STT3B: variants seen among roughly 807,000 people sequenced by gnomAD.
STT3B encodes STT3 oligosaccharyltransferase complex catalytic subunit B.
In STT3B, 29 loss-of-function variants were observed where a neutral mutation model predicts 96.8. The observed-to-expected ratio is 0.30, with a 90% CI of 0.22 to 0.41. The LOEUF (loss-of-function observed/expected upper bound fraction) is 0.41, where lower values mean the gene tolerates loss of function less well. STT3B is among the 10% of genes least tolerant of loss of function. The pLI is 1.00. For synonymous variants in STT3B, 367 were observed against 360.0 expected (o/e 1.02, Z -0.22); for missense variants, 640 against 1,022.3 (o/e 0.63, Z 5.10).
chr3:31,601,883 G>T (rs1698937640), intron 5 of STT3B, among the ~76,000 whole-genome samples: 1 of 152,136 alleles, frequency 6.6e-6, no homozygotes, highest in African/African-American at 2.4e-5. Context: ...TACAGGTGAG[G>T]AAACAAGAGG....
intron 1 of STT3B, among the ~76,000 whole-genome samples, chr3:31,540,945 A>G (rs1697251193): frequency 6.6e-6 from 1 of 152,210 alleles, no homozygotes; most frequent in Non-Finnish European, 1.5e-5. Context: ...TTAAAATACC[A>G]GTAACACCTG....
At chr3:31,597,435 G>A (rs1276374181) in intron 4 of STT3B, among the ~76,000 whole-genome samples, 5 of 152,042 alleles carry the variant, frequency 3.3e-5, no homozygotes, top group African/African-American at 7.2e-5. Context: ...TGGGATTACA[G>A]GCATGAGCCA....
intron 1 of STT3B, among the ~76,000 whole-genome samples, chr3:31,553,101 C>CAAAA (rs558668757): frequency 1.6e-4 from 10 of 63,106 alleles, no homozygotes; most frequent in African/African-American, 4.4e-4. Flanking sequence ...AACTCCGTCT[C>CAAAA]AAAAAAAAAA....
chr3:31,593,458 G>A (rs1575430648), intron 3 of STT3B, among the ~76,000 whole-genome samples: 1 of 151,818 alleles, frequency 6.6e-6, no homozygotes, highest in East Asian at 1.9e-4. Context: ...GTGGCTTCTT[G>A]GGTTTCATGG....
chr3:31,578,089 A>G (rs1002668018), intron 2 of STT3B, among the ~76,000 whole-genome samples: 1 of 152,172 alleles, frequency 6.6e-6, no homozygotes, highest in Non-Finnish European at 1.5e-5. Flanking sequence ...TAGAACCCAC[A>G]TTGACACATT....
At chr3:31,621,292 T>C (rs1699421928) in intron 9 of STT3B, among the ~76,000 whole-genome samples, 1 of 152,164 alleles carries the variant, frequency 6.6e-6, no homozygotes, top group Admixed American at 6.5e-5. Flanking sequence ...TTACCTTTTT[T>C]GATAGGGGAG....
Position 31,637,392 on chromosome 3 carries a change from T to C in STT3B, c.*1328T>C, listed in dbSNP as rs1382837191. The C allele has an allele frequency of 1.3e-5, 2 of 152,220 alleles. No homozygotes were observed. The highest frequency in any genetic ancestry group is 2.9e-5 in the Non-Finnish European group (2 of 68,018). The allele number at this position is 152,220 out of a possible 1,614,324, so 9.4% of individuals were successfully genotyped here. ...TGAGAATGTTACTGCTGATTTTCTT[T>C]TCCAAGGTGTAGAATATTCTTTGAT... On this transcript the variant is annotated 3_prime_UTR_variant, in exon 16 of 16. Transcript: ENST00000295770.
intron 1 of STT3B, among the ~76,000 whole-genome samples, chr3:31,571,518 A>G (rs1362369501): frequency 6.6e-6 from 1 of 152,202 alleles, no homozygotes; most frequent in Non-Finnish European, 1.5e-5. Flanking sequence ...GCCATGTTTT[A>G]TATCATATGA....
Position 31,615,208 on chromosome 3 carries a change from G to T in STT3B, c.976+5G>T, listed in dbSNP as rs1442527393. 1.3e-6 allele frequency: 2 copies of T among 1,592,290 alleles called. No individual in the cohort carries two copies. The highest frequency in any genetic ancestry group is 2.7e-5 in the African/African-American group (2 of 74,210). On this transcript the variant is annotated splice_donor_5th_base_variant and intron_variant, in intron 6 of 15. Transcript: ENST00000295770. Reference sequence around the variant, plus strand: ...GTGAACACATGGCAGCTGCAGGTATGAAAAATATATATTTTCCTTCTTCTA... The same window carrying T: ...GTGAACACATGGCAGCTGCAGGTATTAAAAATATATATTTTCCTTCTTCTA...
chr3:31,601,652 C>G (rs1407866984), intron 5 of STT3B, among the ~76,000 whole-genome samples: 19 of 151,936 alleles, frequency 1.3e-4, no homozygotes, highest in Admixed American at 1.2e-3. Context: ...GATATGGGGT[C>G]TCTTTCAAGG....
chr3:31,615,757 T>A (rs1413180545), intron 6 of STT3B, among the ~76,000 whole-genome samples: 2 of 151,936 alleles, frequency 1.3e-5, no homozygotes, highest in African/African-American at 4.8e-5. Flanking sequence ...TCCTAAACTC[T>A]AAATCTTTGA....
chr3:31,618,756 A>G (rs1699365327), intron 8 of STT3B, among the ~76,000 whole-genome samples: 1 of 152,112 alleles, frequency 6.6e-6, no homozygotes, highest in Admixed American at 6.5e-5. Context: ...ACAATTAGAC[A>G]CATACTTCAA....
chr3:31,551,915 C>T (rs547152739), intron 1 of STT3B, among the ~76,000 whole-genome samples: 24 of 152,142 alleles, frequency 1.6e-4, no homozygotes, highest in Non-Finnish European at 3.4e-4. Context: ...ATGATGTTTC[C>T]ACCAACAGCC....
chr3:31,568,131 A>G (rs183035711), intron 1 of STT3B, among the ~76,000 whole-genome samples: 1 of 152,150 alleles, frequency 6.6e-6, no homozygotes, highest in Admixed American at 6.6e-5. Flanking sequence ...TGCCTGGCTT[A>G]TTTTACTTAA....
At chr3:31,566,295 C>T (rs73824186) in intron 1 of STT3B, among the ~76,000 whole-genome samples, 4,664 of 152,208 alleles carry the variant, frequency 0.031, 259 homozygotes, top group African/African-American at 0.11. Flanking sequence ...ATGTGGGCAC[C>T]AGAGTCAAAG....
intron 1 of STT3B, among the ~76,000 whole-genome samples, chr3:31,539,690 C>T (rs957764644): frequency 3.3e-5 from 5 of 151,972 alleles, no homozygotes; most frequent in East Asian, 1.9e-4. Flanking sequence ...TTTGATGGAG[C>T]GAAGAGATGA....
chr3:31,565,959 A>AT (rs1211500070), intron 1 of STT3B, among the ~76,000 whole-genome samples: 21 of 152,204 alleles, frequency 1.4e-4, no homozygotes, highest in Non-Finnish European at 1.9e-4. Flanking sequence ...TGTTTTAGAT[A>AT]TTTTAAACAT....
At chr3:31,627,712 T>G in intron 13 of STT3B, among the ~76,000 whole-genome samples, 1 of 152,366 alleles carries the variant, frequency 6.6e-6, no homozygotes, top group Middle Eastern at 3.4e-3. Context: ...TATTTTTTTG[T>G]ATTAATCTTC....
intron 1 of STT3B, among the ~76,000 whole-genome samples, chr3:31,568,852 G>T (rs1698072346): frequency 6.6e-6 from 1 of 152,122 alleles, no homozygotes. Context: ...GCAGCTCCTT[G>T]TGACTTCCCC....
Sources: gnomAD v4.1 joint callset for allele counts (sites outside exome capture counted in the v4.1 genomes callset) on GRCh38, gnomAD v4.1.1 for gene constraint, MANE v1.5 for transcripts, NCBI Gene and HGNC (gene_info 2026-07-23, HGNC 2026-07-21) for gene names.